GTSF1: variants seen among roughly 807,000 people sequenced by gnomAD.
GTSF1 encodes the protein gametocyte specific factor 1.
A neutral mutation model predicts 28.9 loss-of-function variants in GTSF1; 11 were observed. The ratio of observed to expected loss-of-function variants is 0.38; its 90% CI spans 0.24 to 0.63. The LOEUF is 0.63. Among genes scored for constraint, GTSF1 ranks in the 30% least tolerant of loss-of-function variants. The pLI is 0.56. For missense variants in GTSF1, 146 were observed against 201.0 expected, an observed-to-expected ratio of 0.73 and a Z score of 1.66; for synonymous variants, 69 against 65.6, an observed-to-expected ratio of 1.05 and a Z score of -0.25.
chr12:54,458,282 T>C (rs1956366987), intron 8 of GTSF1, among the ~76,000 whole-genome samples: 1 of 152,254 alleles, frequency 6.6e-6, no homozygotes, highest in Non-Finnish European at 1.5e-5. Flanking sequence ...TTTTGGTCTC[T>C]TCACATAGAT....
intron 1 of GTSF1, among the ~76,000 whole-genome samples, chr12:54,472,824 T>C (rs1956608149): frequency 6.6e-6 from 1 of 152,208 alleles, no homozygotes; most frequent in African/African-American, 2.4e-5. Context: ...TAAAAATATT[T>C]TTCATATTTA....
chr12:54,466,118 C>T (rs1956509412), intron 2 of GTSF1, among the ~76,000 whole-genome samples: 1 of 152,158 alleles, frequency 6.6e-6, no homozygotes, highest in Non-Finnish European at 1.5e-5. Flanking sequence ...TAAAACAACC[C>T]TTAGGCTATA....
At position 54,462,673 on chromosome 12, in the gene GTSF1, C is replaced by A. The variant is rs1364967702; in HGVS notation, c.297G>T (p.Gln99His). Residue 99 changes from glutamine to histidine, a missense_variant, in exon 5 of 9, where the codon CAG becomes CAT. Transcript: ENST00000305879. ...RQETLAESTWQCPPCDEDWDK... is the reference protein window; with the variant it reads ...RQETLAESTWHCPPCDEDWDK... ...CCCAGTCTTCATCGCAAGGAGGGCA[C>A]TGCCAAGTGCTCTCAGCCAGAGTCT... 4 of 1,613,962 alleles carry A rather than the reference C, an allele frequency of 2.5e-6. No individual in the cohort carries two copies. The highest frequency in any genetic ancestry group is 2.5e-6 in the Non-Finnish European group (3 of 1,179,946).
At chr12:54,460,859 C>A (rs1461610028) in intron 6 of GTSF1, among the ~76,000 whole-genome samples, 1 of 152,104 alleles carries the variant, frequency 6.6e-6, no homozygotes, top group East Asian at 1.9e-4. Flanking sequence ...AAAGTTGTAG[C>A]CAACGGAATT....
intron 2 of GTSF1, among the ~76,000 whole-genome samples, chr12:54,467,503 C>G (rs1435269729): frequency 1.3e-5 from 2 of 151,716 alleles, no homozygotes; most frequent in Admixed American, 6.6e-5. Context: ...TTAGTAGAGA[C>G]GGGGTTTCAT....
chr12:54,468,276 C>T (rs1382237074), intron 2 of GTSF1, among the ~76,000 whole-genome samples: 10 of 151,858 alleles, frequency 6.6e-5, no homozygotes, highest in African/African-American at 1.9e-4. Flanking sequence ...ATTACAGGCA[C>T]ACCTGTTTAA....
intron 2 of GTSF1, among the ~76,000 whole-genome samples, chr12:54,465,389 A>G (rs1956495937): frequency 6.6e-6 from 1 of 152,186 alleles, no homozygotes. Context: ...TCTCAGTTTC[A>G]TATTGAACTG....
intron 7 of GTSF1, 90 bp downstream of exon 7, chr12:54,460,287 G>A: frequency 2.2e-6 from 2 of 907,998 alleles, no homozygotes; most frequent in Non-Finnish European, 1.8e-6. Context: ...GAAATGCAAG[G>A]TGTTCAGACT....
chr12:54,467,322 G>T (rs1253139904), intron 2 of GTSF1, among the ~76,000 whole-genome samples: 17 of 142,104 alleles, frequency 1.2e-4, no homozygotes, highest in East Asian at 2.1e-4. Context: ...TTTGTTTTTT[G>T]TTTTTTTTTT....
At position 54,457,539 on chromosome 12, in the gene GTSF1, CA is replaced by C. The variant is rs758993836; in HGVS notation, c.*21-1387del. Reference sequence around the variant, plus strand: ...AAGCAATCCCCCTGTCTTGGTCTCCCAAAGTGTTGGGATTACAGGTGTGAGC... The same window carrying C: ...AAGCAATCCCCCTGTCTTGGTCTCCCAAGTGTTGGGATTACAGGTGTGAGC... On this transcript the variant is annotated intron_variant, in intron 8 of 8. Coordinates refer to ENST00000305879, the MANE Select transcript of GTSF1 (RefSeq NM_144594.3). Among the ~76,000 whole-genome samples, 12 of 152,320 alleles carry C rather than the reference CA, an allele frequency of 7.9e-5. No homozygotes were observed. The East Asian group carries it at 2.3e-3, about 29-fold the overall frequency.
intron 1 of GTSF1, chr12:54,471,639 A>C (rs1161308581): frequency 1.2e-5 from 2 of 160,916 alleles, no homozygotes; most frequent in East Asian, 1.7e-4. Flanking sequence ...GACACTATTA[A>C]TATAATAGTG....
At chr12:54,459,361 A>G (rs1393922370) in intron 7 of GTSF1, 10 of 1,417,934 alleles carry the variant, frequency 7.1e-6, no homozygotes, top group Non-Finnish European at 9.2e-6. Context: ...GGGAAATGCA[A>G]GTATCCAGGG....
Position 54,463,195 on chromosome 12 carries a change from T to C in GTSF1, c.220A>G (p.Arg74Gly). Residue 74 changes from arginine (R) to glycine (G), a missense_variant, in exon 4 of 9, where the codon AGA becomes GGA. Coordinates refer to ENST00000305879, the MANE Select transcript of GTSF1 (RefSeq NM_144594.3). ...CCAACATCTTGCTCAATACAACTTC[T>C]GTCATCACAGCTTGAGATATGATGA... Reference protein sequence around the residue: ...ISHHISSCDDRSCIEQDVVNQ... With the variant: ...ISHHISSCDDGSCIEQDVVNQ... 6.2e-7 allele frequency: 1 copy of C among 1,613,946 alleles called. No homozygotes were observed. The highest frequency in any genetic ancestry group is 1.7e-5 in the Admixed American group (1 of 60,010).
chr12:54,460,064 C>T (rs1303949303), intron 7 of GTSF1, among the ~76,000 whole-genome samples: 1 of 152,220 alleles, frequency 6.6e-6, no homozygotes, highest in African/African-American at 2.4e-5. Flanking sequence ...ATCACTTCCT[C>T]CTAGCCCAAA....
At chr12:54,462,033 T>C (rs1956431019) in intron 6 of GTSF1, 76 bp downstream of exon 6, 5 of 1,053,830 alleles carry the variant, frequency 4.7e-6, no homozygotes, top group Non-Finnish European at 5.9e-6. Context: ...GGTCAATTCA[T>C]GCTCCGGTGG....
chr12:54,465,608 T>C (rs1956499566), intron 2 of GTSF1, among the ~76,000 whole-genome samples: 1 of 152,058 alleles, frequency 6.6e-6, no homozygotes, highest in African/African-American at 2.4e-5. Context: ...CTAGTTCAAG[T>C]CATCCCCTAC....
chr12:54,469,168 TC>T (rs1956562094), intron 2 of GTSF1, among the ~76,000 whole-genome samples: 1 of 152,146 alleles, frequency 6.6e-6, no homozygotes, highest in Admixed American at 6.5e-5. Flanking sequence ...AACCTCCACC[TC>T]CTGGGTCCAA....
At chr12:54,458,332 G>A (rs998802391) in intron 8 of GTSF1, among the ~76,000 whole-genome samples, 1 of 152,110 alleles carries the variant, frequency 6.6e-6, no homozygotes, top group Non-Finnish European at 1.5e-5. Flanking sequence ...AGATAAGATC[G>A]ACAGTGTAAA....
chr12:54,457,195 C>G (rs1956346011), intron 8 of GTSF1, among the ~76,000 whole-genome samples: 1 of 152,178 alleles, frequency 6.6e-6, no homozygotes, highest in Non-Finnish European at 1.5e-5. Flanking sequence ...TTTTTCTGAT[C>G]CCTCAGGAGT....
Sources: gnomAD v4.1 joint callset for allele counts (sites outside exome capture counted in the v4.1 genomes callset) on GRCh38, gnomAD v4.1.1 for gene constraint, MANE v1.5 for transcripts, NCBI Gene and HGNC (gene_info 2026-07-23, HGNC 2026-07-21) for gene names.